The following CSNK1G3 variants were observed in gnomAD, a reference collection of about 807,000 sequenced individuals.
The protein encoded by CSNK1G3 is casein kinase I isoform gamma-3.
CSNK1G3 carries 23 observed loss-of-function variants against 64.3 expected under a neutral mutation model. That is an observed-to-expected ratio of 0.36 (90% CI 0.26 to 0.51). The LOEUF (loss-of-function observed/expected upper bound fraction) is 0.51, where lower values mean the gene tolerates loss of function less well. Ranked by LOEUF, CSNK1G3 falls within the 20% of genes least tolerant of loss-of-function variation. The pLI, the probability that CSNK1G3 is intolerant of heterozygous loss-of-function variation, is 0.96. For missense variants in CSNK1G3, 357 were observed against 510.5 expected, an observed-to-expected ratio of 0.70 and a Z score of 2.90; for synonymous variants, 158 against 162.2, an observed-to-expected ratio of 0.97 and a Z score of 0.20.
intron 12 of CSNK1G3, among the ~76,000 whole-genome samples, chr5:123,607,928 C>T (rs972438670): frequency 6.6e-6 from 1 of 152,082 alleles, no homozygotes. Context: ...TTCCTCATAC[C>T]CTCTTAATCT....
chr5:123,566,924 T>C (rs1283284990), intron 4 of CSNK1G3, among the ~76,000 whole-genome samples: 1 of 152,226 alleles, frequency 6.6e-6, no homozygotes, highest in East Asian at 1.9e-4. Flanking sequence ...ATCTTTTCTA[T>C]TCGTATGTAT....
intron 2 of CSNK1G3, among the ~76,000 whole-genome samples, chr5:123,552,726 G>T (rs1049582791): frequency 7.2e-5 from 11 of 152,168 alleles, no homozygotes; most frequent in Non-Finnish European, 1.0e-4. Flanking sequence ...AAAATGAAAT[G>T]ATAGTTGGAA....
intron 1 of CSNK1G3, among the ~76,000 whole-genome samples, chr5:123,531,044 T>C (rs1779845185): frequency 6.6e-6 from 1 of 152,110 alleles, no homozygotes; most frequent in South Asian, 2.1e-4. Context: ...ATAATTTTTA[T>C]TGAGACTGAA....
intron 12 of CSNK1G3, among the ~76,000 whole-genome samples, chr5:123,608,311 G>C (rs1795721421): frequency 6.6e-6 from 1 of 152,012 alleles, no homozygotes; most frequent in African/African-American, 2.4e-5. Context: ...TCTCATTGGG[G>C]TAAATACTTG....
intron 1 of CSNK1G3, among the ~76,000 whole-genome samples, chr5:123,524,202 T>G (rs966868801): frequency 2.0e-5 from 3 of 152,234 alleles, no homozygotes; most frequent in Admixed American, 1.3e-4. Flanking sequence ...TAACAGTTGT[T>G]GAAAACTCTC....
intron 12 of CSNK1G3, 125 bp downstream of exon 13, chr5:123,605,487 C>G (rs1413941366): frequency 9.5e-7 from 1 of 1,052,946 alleles, no homozygotes; most frequent in Non-Finnish European, 1.4e-6. Flanking sequence ...AAAAGTTATT[C>G]AAAAGTATTT....
intron 6 of CSNK1G3, among the ~76,000 whole-genome samples, chr5:123,579,269 G>A (rs1789785024): frequency 6.9e-6 from 1 of 144,654 alleles, no homozygotes; most frequent in Non-Finnish European, 1.5e-5. Flanking sequence ...CATCTGAAAT[G>A]CCTGAAAAAT....
intron 2 of CSNK1G3, among the ~76,000 whole-genome samples, chr5:123,548,126 G>A (rs1300534065): frequency 6.6e-6 from 1 of 152,020 alleles, no homozygotes. Flanking sequence ...CTTTTTTGGG[G>A]TAGAATACTG....
intron 4 of CSNK1G3, among the ~76,000 whole-genome samples, chr5:123,561,216 T>G (rs1296515507): frequency 6.6e-6 from 1 of 152,132 alleles, no homozygotes; most frequent in Non-Finnish European, 1.5e-5. Context: ...TAGCAAAAAT[T>G]TAATGTATTG....
chr5:123,517,187 C>T (rs531642738), intron 1 of CSNK1G3, among the ~76,000 whole-genome samples: 1 of 152,304 alleles, frequency 6.6e-6, no homozygotes, highest in African/African-American at 2.4e-5. Context: ...GCTTAACCCA[C>T]TCGTGAGATT....
At chr5:123,564,123 T>G (rs1282425400) in intron 4 of CSNK1G3, among the ~76,000 whole-genome samples, 1 of 152,084 alleles carries the variant, frequency 6.6e-6, no homozygotes, top group Admixed American at 6.5e-5. Flanking sequence ...TATACTTACA[T>G]TGTTACTACT....
chr5:123,556,225 T>C (rs1351708518), intron 3 of CSNK1G3, among the ~76,000 whole-genome samples: 1 of 152,106 alleles, frequency 6.6e-6, no homozygotes, highest in African/African-American at 2.4e-5. Flanking sequence ...AATTCTTTTG[T>C]TGTTGGTCAC....
At chr5:123,535,970 G>T (rs539730753) in intron 1 of CSNK1G3, among the ~76,000 whole-genome samples, 2 of 152,172 alleles carry the variant, frequency 1.3e-5, no homozygotes, top group South Asian at 4.1e-4. Context: ...TTCATTAGCT[G>T]CCCCTTGCTC....
At chr5:123,526,919 A>G (rs1779202700) in intron 1 of CSNK1G3, among the ~76,000 whole-genome samples, 1 of 150,228 alleles carries the variant, frequency 6.7e-6, no homozygotes, top group African/African-American at 2.5e-5. Context: ...ATGATCCTAA[A>G]GTTGGGATTG....
chr5:123,595,137 A>G lies in CSNK1G3; in HGVS notation c.1086+3723A>G, dbSNP rs772140287. On this transcript the variant is annotated intron_variant, in intron 10 of 12. Transcript: ENST00000345990. ...ACAGACATGGTGGCTCGGTACAGGTATTTTCTGATTTTTGCATGAGTGATT... is the reference window on the plus strand; with the variant it reads ...ACAGACATGGTGGCTCGGTACAGGTGTTTTCTGATTTTTGCATGAGTGATT... The G allele has an allele frequency of 1.2e-6, 2 of 1,612,460 alleles. No homozygotes were observed. The highest frequency in any genetic ancestry group is 8.5e-7 in the Non-Finnish European group (1 of 1,179,162).
intron 1 of CSNK1G3, among the ~76,000 whole-genome samples, chr5:123,525,720 G>A (rs1156388510): frequency 6.6e-6 from 1 of 152,046 alleles, no homozygotes; most frequent in East Asian, 1.9e-4. Context: ...CTGGCTGGGC[G>A]CGGTGGCTTA....
Position 123,557,482 on chromosome 5 carries a change from GTTTTT to G in CSNK1G3, c.220-12_220-8del. On this transcript the variant is annotated splice_region_variant and splice_polypyrimidine_tract_variant and intron_variant, in intron 3 of 12. Coordinates refer to ENST00000345990, the Ensembl canonical transcript of CSNK1G3. Reference sequence around the variant, plus strand: ...ATAACTTAAATGTCTTTTTTTGTTTGTTTTTCAATTAGGAGCCCATGAAATCAAGA... The same window carrying G: ...ATAACTTAAATGTCTTTTTTTGTTTGCAATTAGGAGCCCATGAAATCAAGA... 1.9e-6 allele frequency: 3 copies of G among 1,595,032 alleles called. No homozygotes were observed. The highest frequency in any genetic ancestry group is 1.7e-6 in the Non-Finnish European group (2 of 1,170,162).
At chr5:123,600,554 G>A (rs1012715431) in intron 10 of CSNK1G3, among the ~76,000 whole-genome samples, 1 of 151,740 alleles carries the variant, frequency 6.6e-6, no homozygotes, top group African/African-American at 2.4e-5. Flanking sequence ...GAACCCGGGA[G>A]GTGGAGGTTG....
intron 10 of CSNK1G3, among the ~76,000 whole-genome samples, chr5:123,594,520 A>C (rs911126678): frequency 6.6e-6 from 1 of 152,148 alleles, no homozygotes; most frequent in Admixed American, 6.5e-5. Context: ...GTTTTCTCAT[A>C]TTATCCTTAG....
Sources: allele counts gnomAD v4.1 joint callset (sites outside exome capture counted in the v4.1 genomes callset), GRCh38; gene constraint gnomAD v4.1.1; transcripts MANE v1.5; gene names NCBI Gene and HGNC (gene_info 2026-07-23, HGNC 2026-07-21).